CDH13: variants seen among roughly 807,000 people sequenced by gnomAD.
CDH13 encodes the protein cadherin 13, also known as cadherin-13.
A neutral mutation model predicts 63.8 loss-of-function variants in CDH13; 24 were observed. The observed-to-expected ratio is 0.38, with a 90% CI of 0.27 to 0.53. CDH13 has a LOEUF of 0.53. Ranked by LOEUF, CDH13 falls within the 20% of genes least tolerant of loss-of-function variation. The pLI is 0.85. For synonymous variants in CDH13, 503 were observed against 355.3 expected, an observed-to-expected ratio of 1.42 and a Z score of -4.67; for missense variants, 1,049 against 903.1, an observed-to-expected ratio of 1.16 and a Z score of -2.07.
chr16:82,667,742 C>G (rs553606105), intron 1 of CDH13, among the ~76,000 whole-genome samples: 3 of 152,024 alleles, frequency 2.0e-5, no homozygotes, highest in Non-Finnish European at 4.4e-5. Flanking sequence ...AGCCGCCCCC[C>G]GCCTCTCCCC....
chr16:82,858,470 A>T lies in CDH13; in HGVS notation c.154A>T (p.Asn52Tyr). The T allele has an allele frequency of 1.3e-6, 2 of 1,570,600 alleles. No homozygotes were observed. Among genetic ancestry groups the T allele is most frequent in the Non-Finnish European group, 1.8e-6 (2 of 1,140,444 alleles). The change falls in exon 2 of 14, where the codon AAC becomes TAC. Residue 52 changes from asparagine to tyrosine, a missense_variant. Physicochemically the swap from Asn to Tyr is moderately radical, Grantham distance 143. Transcript: ENST00000567109. Reference protein sequence around the residue: ...AEFIEDQSILNLTFSDCKGND... With the variant: ...AEFIEDQSILYLTFSDCKGND... ...ATTCATTGAGGACCAGTCAATTCTA[A>T]ACTGTAAGCAATGTCACTCAAAGAT... is the stretch of plus-strand genomic sequence containing the variant.
At chr16:83,633,409 A>G (rs1406809986) in intron 8 of CDH13, among the ~76,000 whole-genome samples, 1 of 152,200 alleles carries the variant, frequency 6.6e-6, no homozygotes. Flanking sequence ...GCACATCTGA[A>G]GTTAGTTTTG....
intron 1 of CDH13, among the ~76,000 whole-genome samples, chr16:82,670,425 A>C (rs1387785303): frequency 6.6e-6 from 1 of 152,162 alleles, no homozygotes; most frequent in Non-Finnish European, 1.5e-5. Flanking sequence ...AAAAAATATC[A>C]CTTGAAACCA....
At chr16:82,910,209 C>G (rs982421066) in intron 2 of CDH13, among the ~76,000 whole-genome samples, 1 of 152,164 alleles carries the variant, frequency 6.6e-6, no homozygotes, top group African/African-American at 2.4e-5. Context: ...AAGAATTAAA[C>G]CCTTGTTGTT....
chr16:82,919,783 C>G (rs958405658), intron 2 of CDH13, among the ~76,000 whole-genome samples: 8 of 152,234 alleles, frequency 5.3e-5, no homozygotes, highest in African/African-American at 1.9e-4. Flanking sequence ...CATCATTCAT[C>G]TACTCTAAAT....
chr16:82,716,226 T>C (rs919799278), intron 1 of CDH13, among the ~76,000 whole-genome samples: 1 of 152,054 alleles, frequency 6.6e-6, no homozygotes, highest in African/African-American at 2.4e-5. Flanking sequence ...CTTCCTGCCT[T>C]TATGGAAACT....
chr16:83,513,873 C>T (rs1240068860), intron 7 of CDH13, among the ~76,000 whole-genome samples: 1 of 152,012 alleles, frequency 6.6e-6, no homozygotes, highest in East Asian at 1.9e-4. Flanking sequence ...CCTCTCTAGT[C>T]CCCAAGTAGC....
chr16:82,704,077 G>A (rs2031281064), intron 1 of CDH13, among the ~76,000 whole-genome samples: 1 of 152,106 alleles, frequency 6.6e-6, no homozygotes, highest in African/African-American at 2.4e-5. Flanking sequence ...AGCTGAAAAA[G>A]CCTTTGAAAA....
chr16:83,544,866 G>T (rs988785216), intron 7 of CDH13, among the ~76,000 whole-genome samples: 2 of 152,182 alleles, frequency 1.3e-5, no homozygotes, highest in Non-Finnish European at 2.9e-5. Context: ...ATCTAACAAT[G>T]TCTGGCCACA....
Position 83,575,606 on chromosome 16 carries a change from C to T in CDH13, c.961-26848C>T, listed in dbSNP as rs546786635. Among the ~76,000 whole-genome samples the T allele has an allele frequency of 2.6e-5, 4 of 152,282 alleles. No individual in the cohort carries two copies. In the South Asian group the frequency reaches 8.3e-4, roughly 32 times the overall value. On this transcript the variant is annotated intron_variant, in intron 7 of 13. Coordinates refer to ENST00000567109, the MANE Select transcript of CDH13 (RefSeq NM_001257.5). ...GGCCTTTGCACATGCTATTCATGAC[C>T]TGGAGTATTTTTTCACCTTGCTCCA...
chr16:82,999,077 T>C (rs990391347), intron 2 of CDH13, among the ~76,000 whole-genome samples: 3 of 152,304 alleles, frequency 2.0e-5, no homozygotes, highest in African/African-American at 7.2e-5. Context: ...CTTCATTTGA[T>C]ACTTGAAGTC....
At chr16:83,350,617 C>T (rs1410006399) in intron 6 of CDH13, among the ~76,000 whole-genome samples, 2 of 152,278 alleles carry the variant, frequency 1.3e-5, no homozygotes, top group Admixed American at 6.5e-5. Context: ...CTATTCTAAG[C>T]TCTGAATGTG....
rs1010891926 is a variant in CDH13, at chr16:83,551,719, T to C, written c.961-50735T>C. On this transcript the variant is annotated intron_variant, in intron 7 of 13. Transcript: ENST00000567109. ...TCTTGTCCTCCCTTGGAGAAATAAA[T>C]GCATCTCCCTTTCCTTTCTTCCATT... Among the ~76,000 whole-genome samples, 11 of 152,344 alleles carry C rather than the reference T, an allele frequency of 7.2e-5. No individual in the cohort carries two copies. The South Asian group carries it at 2.1e-3, about 29-fold the overall frequency.
intron 1 of CDH13, among the ~76,000 whole-genome samples, chr16:82,786,916 G>A (rs1234931672): frequency 2.0e-5 from 3 of 152,068 alleles, no homozygotes; most frequent in Admixed American, 6.6e-5. Flanking sequence ...TATTGGACAA[G>A]GGTCATGACT....
intron 2 of CDH13, among the ~76,000 whole-genome samples, chr16:83,004,052 A>C (rs948183673): frequency 1.3e-5 from 2 of 152,240 alleles, no homozygotes; most frequent in South Asian, 2.1e-4. Flanking sequence ...TGGGAAAAAA[A>C]TATTCTCAGT....
At chr16:83,182,012 T>A (rs1332849070) in intron 4 of CDH13, among the ~76,000 whole-genome samples, 1 of 152,180 alleles carries the variant, frequency 6.6e-6, no homozygotes, top group Non-Finnish European at 1.5e-5. Context: ...GCTCTACCTG[T>A]GGCAAAGTGC....
rs2039522511 is a variant in CDH13, at chr16:83,216,425, T to TATAA, written c.484-917_484-916insAATA. ...ATATATATATATATATATATATATATATATATATATATATATATACACAAC... is the reference window on the plus strand; with the variant it reads ...ATATATATATATATATATATATATATATAAATATATATATATATATATACACAAC... On this transcript the variant is annotated intron_variant, in intron 4 of 13. Coordinates refer to ENST00000567109, the MANE Select transcript of CDH13 (RefSeq NM_001257.5). 3.0e-5 allele frequency among the ~76,000 whole-genome samples: 3 copies of TATAA among 101,088 alleles called. 1 individual carries two copies. In the South Asian group the frequency reaches 1.0e-3, roughly 34 times the overall value. The allele number at this position is 101,088 out of a possible 152,430, so 66.3% of individuals were successfully genotyped here. A position where few individuals can be genotyped will look rare whatever the true frequency, so the allele number is the denominator to read the frequency against.
intron 1 of CDH13, among the ~76,000 whole-genome samples, chr16:82,663,229 C>T (rs767444893): frequency 4.6e-5 from 7 of 152,188 alleles, no homozygotes; most frequent in East Asian, 1.9e-4. Context: ...TGTTGTTGCC[C>T]TGGCTGGAGT....
intron 1 of CDH13, among the ~76,000 whole-genome samples, chr16:82,663,763 C>G (rs577413654): frequency 6.6e-6 from 1 of 152,302 alleles, no homozygotes; most frequent in Non-Finnish European, 1.5e-5. Flanking sequence ...AAAGAGCCCA[C>G]ATAAGAACCA....
Sources: gnomAD v4.1 joint callset for allele counts (sites outside exome capture counted in the v4.1 genomes callset) on GRCh38, gnomAD v4.1.1 for gene constraint, MANE v1.5 for transcripts, NCBI Gene and HGNC (gene_info 2026-07-23, HGNC 2026-07-21) for gene names.